Variants in RAC1 observed in about 807,000 individuals in gnomAD.
RAC1 encodes the protein ras-related C3 botulinum toxin substrate 1.
In RAC1, 2 loss-of-function variants were observed where a neutral mutation model predicts 25.2. The ratio of observed to expected loss-of-function variants is 0.08; its 90% CI spans 0.03 to 0.25. The LOEUF is 0.25. Among genes scored for constraint, RAC1 ranks in the 10% least tolerant of loss-of-function variants. The probability of loss-of-function intolerance (pLI) is 1.00; values close to 1 mark genes in which losing one functional copy is unlikely to be tolerated. For synonymous variants in RAC1, 88 were observed against 94.0 expected (o/e 0.94, Z 0.37); for missense variants, 50 against 235.7 (o/e 0.21, Z 5.16).
intron 3 of RAC1, 34 bp downstream of exon 3, chr7:6,392,075 T>C: frequency 6.2e-7 from 1 of 1,613,440 alleles, no homozygotes; most frequent in Non-Finnish European, 8.5e-7. Context: ...ATGTGTCTTT[T>C]AGAGTATATA....
intron 1 of RAC1, chr7:6,375,829 C>G (rs1470113828): frequency 6.6e-6 from 1 of 152,016 alleles, no homozygotes; most frequent in Non-Finnish European, 1.5e-5. Context: ...GAAGACAAAA[C>G]TTGTCTTATG....
At chr7:6,379,067 G>C (rs931204716) in intron 1 of RAC1, among the ~76,000 whole-genome samples, 2 of 151,946 alleles carry the variant, frequency 1.3e-5, no homozygotes, top group African/African-American at 4.8e-5. Flanking sequence ...CTCCAGCCTG[G>C]GTAACAGAGT....
Position 6,388,425 on chromosome 7 carries a change from A to T in RAC1, c.107+1142A>T, listed in dbSNP as rs193093694. 4.9e-5 allele frequency among the ~76,000 whole-genome samples: 7 copies of T among 143,404 alleles called. No individual in the cohort carries two copies. In the East Asian group the frequency reaches 1.4e-3, roughly 30 times the overall value. 94.1% of individuals were successfully genotyped at this position (143,404 alleles called of 152,430 possible). A position where few individuals can be genotyped will look rare whatever the true frequency, so the allele number is the denominator to read the frequency against. Reference sequence around the variant, plus strand: ...CTGTGATGCGATCTCAGCTCACTGCAGCGTCTGCCTCCTGGGTTCAAGTGA... The same window carrying T: ...CTGTGATGCGATCTCAGCTCACTGCTGCGTCTGCCTCCTGGGTTCAAGTGA... On this transcript the variant is annotated intron_variant, in intron 2 of 5. Coordinates refer to ENST00000348035, the MANE Select transcript of RAC1 (RefSeq NM_006908.5).
At chr7:6,397,358 A>G (rs1323279186) in intron 3 of RAC1, among the ~76,000 whole-genome samples, 3 of 151,924 alleles carry the variant, frequency 2.0e-5, no homozygotes, top group East Asian at 3.9e-4. Flanking sequence ...GCAGTGTCAC[A>G]ATCTCGCCTC....
At chr7:6,396,202 T>G in intron 3 of RAC1, among the ~76,000 whole-genome samples, 1 of 151,908 alleles carries the variant, frequency 6.6e-6, no homozygotes, top group African/African-American at 2.4e-5. Context: ...AAGTGACCTG[T>G]GAGGAAGGAA....
intron 1 of RAC1, among the ~76,000 whole-genome samples, chr7:6,386,065 C>T (rs527330002): frequency 9.2e-5 from 14 of 152,342 alleles, no homozygotes; most frequent in African/African-American, 3.1e-4. Flanking sequence ...TCAGCCACCA[C>T]TCTTCTGCCT....
intron 2 of RAC1, among the ~76,000 whole-genome samples, chr7:6,390,668 C>T (rs1440810410): frequency 6.6e-6 from 1 of 151,810 alleles, no homozygotes; most frequent in East Asian, 1.9e-4. Flanking sequence ...TTAGAAAGGC[C>T]TTTCCTACTT....
At chr7:6,395,514 G>A (rs1054851757) in intron 3 of RAC1, among the ~76,000 whole-genome samples, 4 of 152,204 alleles carry the variant, frequency 2.6e-5, no homozygotes, top group Admixed American at 6.5e-5. Context: ...CTTACTGGCC[G>A]GGAGCAGGGG....
At chr7:6,376,878 A>G (rs1447346132) in intron 1 of RAC1, among the ~76,000 whole-genome samples, 1 of 150,698 alleles carries the variant, frequency 6.6e-6, no homozygotes, top group African/African-American at 2.4e-5. Flanking sequence ...TTTAATACTA[A>G]CCGATTGTGG....
intron 1 of RAC1, among the ~76,000 whole-genome samples, chr7:6,384,876 A>C (rs1275884192): frequency 6.6e-6 from 1 of 152,044 alleles, no homozygotes. Context: ...ATCTTGTTTC[A>C]CTGCAGCCTT....
At chr7:6,387,580 C>T (rs1438864198) in intron 2 of RAC1, among the ~76,000 whole-genome samples, 4 of 151,904 alleles carry the variant, frequency 2.6e-5, no homozygotes, top group Non-Finnish European at 5.9e-5. Context: ...AAAAAATTAG[C>T]CAGGTGTGGT....
intron 2 of RAC1, among the ~76,000 whole-genome samples, chr7:6,390,929 C>T (rs1392591374): frequency 1.3e-5 from 2 of 152,060 alleles, no homozygotes; most frequent in Non-Finnish European, 2.9e-5. Context: ...CCGAGTTTCG[C>T]ACTTGTTGCC....
intron 3 of RAC1, 123 bp downstream of exon 3, chr7:6,392,164 A>T: frequency 6.6e-7 from 1 of 1,525,652 alleles, no homozygotes; most frequent in Non-Finnish European, 8.9e-7. Flanking sequence ...GTAAATAGCA[A>T]ACAGGGTGGG....
intron 4 of RAC1, among the ~76,000 whole-genome samples, chr7:6,400,688 TTTTTGA>T (rs1413316635): frequency 6.6e-6 from 1 of 151,930 alleles, no homozygotes; most frequent in African/African-American, 2.4e-5. Context: ...TTTGTTTTTG[TTTTTGA>T]GATGGAGTTT....
intron 1 of RAC1, among the ~76,000 whole-genome samples, chr7:6,386,577 T>G (rs182632466): frequency 1.3e-5 from 2 of 151,396 alleles, no homozygotes; most frequent in Admixed American, 1.3e-4. Flanking sequence ...AGGTCAGGAG[T>G]TCGAGACCAG....
chr7:6,402,720 A>C lies in RAC1; in HGVS notation c.*274A>C, dbSNP rs1421818528. 1.7e-5 allele frequency: 5 copies of C among 293,634 alleles called. No individual in the cohort carries two copies. Among genetic ancestry groups the C allele is most frequent in the Non-Finnish European group, 1.9e-5 (3 of 158,522 alleles). 18.2% of individuals were successfully genotyped at this position (293,634 alleles called of 1,614,324 possible). ...AGCCTTCTTAAAGCCTTATTTTTCA[A>C]AAGCGCCCCCCCCATTCTTGTTCAG... On this transcript the variant is annotated 3_prime_UTR_variant, in exon 6 of 6. Coordinates refer to ENST00000348035, the MANE Select transcript of RAC1 (RefSeq NM_006908.5).
intron 1 of RAC1, 70 bp from the exon 2 acceptor site, chr7:6,387,137 ATTATT>A: frequency 1.0e-6 from 1 of 986,562 alleles, no homozygotes; most frequent in Non-Finnish European, 1.5e-6. Context: ...TTCTCTAGAA[ATTATT>A]TTAACTTAAT....
At chr7:6,394,653 A>AT (rs1226393183) in intron 3 of RAC1, among the ~76,000 whole-genome samples, 1 of 151,592 alleles carries the variant, frequency 6.6e-6, no homozygotes, top group Non-Finnish European at 1.5e-5. Context: ...CAGTTGTTTC[A>AT]TTTTCTCTCT....
At chr7:6,391,801 T>A in intron 2 of RAC1, 123 bp from the exon 3 acceptor site, 1 of 1,477,618 alleles carries the variant, frequency 6.8e-7, no homozygotes, top group Non-Finnish European at 9.1e-7. Context: ...GCAGGGACAT[T>A]TGCTGGTGTG....
Sources: gnomAD v4.1 joint callset for allele counts (sites outside exome capture counted in the v4.1 genomes callset) on GRCh38, gnomAD v4.1.1 for gene constraint, MANE v1.5 for transcripts, NCBI Gene and HGNC (gene_info 2026-07-23, HGNC 2026-07-21) for gene names.